The following RYR2 variants were observed in gnomAD, a reference collection of about 807,000 sequenced individuals.
The protein encoded by RYR2 is ryanodine receptor 2.
A neutral mutation model predicts 601.1 loss-of-function variants in RYR2; 227 were observed. The ratio of observed to expected loss-of-function variants is 0.38; its 90% confidence interval spans 0.34 to 0.42. The LOEUF (loss-of-function observed/expected upper bound fraction) is 0.42, where lower values mean the gene tolerates loss of function less well. Among genes scored for constraint, RYR2 ranks in the 10% least tolerant of loss-of-function variants. The pLI is 1.00. For missense variants in RYR2, 4,646 were observed against 6,156.5 expected, an observed-to-expected ratio of 0.75 and a Z score of 8.21; for synonymous variants, 2,223 against 2,175.1, an observed-to-expected ratio of 1.02 and a Z score of -0.61.
At chr1:237,226,971 G>A (rs546733018) in intron 1 of RYR2, among the ~76,000 whole-genome samples, 1 of 152,224 alleles carries the variant, frequency 6.6e-6, no homozygotes, top group African/African-American at 2.4e-5. Context: ...GTTTCACCAT[G>A]TTGGCCAGGC....
chr1:237,250,079 T>C (rs1217217010), intron 1 of RYR2, among the ~76,000 whole-genome samples: 1 of 152,194 alleles, frequency 6.6e-6, no homozygotes, highest in Admixed American at 6.5e-5. Context: ...CCTCAGGTAG[T>C]AATGGGATGG....
At chr1:237,752,407 C>T (rs1385528392) in intron 80 of RYR2, among the ~76,000 whole-genome samples, 1 of 151,780 alleles carries the variant, frequency 6.6e-6, no homozygotes, top group Non-Finnish European at 1.5e-5. Context: ...ACTTCAGCCT[C>T]CCAAAGTGCT....
chr1:237,747,640 G>A (rs1380633685), intron 80 of RYR2, among the ~76,000 whole-genome samples: 1 of 152,152 alleles, frequency 6.6e-6, no homozygotes, highest in African/African-American at 2.4e-5. Context: ...AAGAATGAAT[G>A]GGCTGTAAGA....
intron 10 of RYR2, among the ~76,000 whole-genome samples, chr1:237,398,957 G>T (rs1404879827): frequency 3.3e-5 from 5 of 152,162 alleles, no homozygotes; most frequent in African/African-American, 1.2e-4. Flanking sequence ...ATTTTGGGAG[G>T]CCAAAGTCGG....
intron 56 of RYR2, among the ~76,000 whole-genome samples, chr1:237,664,978 C>A (rs1684170490): frequency 6.6e-6 from 1 of 152,178 alleles, no homozygotes; most frequent in Non-Finnish European, 1.5e-5. Context: ...AGTATACTAA[C>A]AATGAGAATA....
chr1:237,617,503 A>C lies in RYR2; in HGVS notation c.5916+17A>C. On this transcript the variant is annotated intron_variant, in intron 38 of 104. Coordinates refer to ENST00000366574, the MANE Select transcript of RYR2 (RefSeq NM_001035.3). ...CAAGAACAGGTACAGAAATGAAATG[A>C]AAATTCTTCGTATTTATGTTGGCTT... The C allele has an allele frequency of 6.2e-7, 1 of 1,606,880 alleles. No homozygotes were observed. Among genetic ancestry groups the C allele is most frequent in the African/African-American group, 1.3e-5 (1 of 74,744 alleles).
chr1:237,559,574 G>T (rs1671251483), intron 27 of RYR2, among the ~76,000 whole-genome samples: 1 of 152,008 alleles, frequency 6.6e-6, no homozygotes, highest in African/African-American at 2.4e-5. Flanking sequence ...CATTACACAT[G>T]GTTTTATTTA....
chr1:237,306,386 G>A (rs868390110), intron 2 of RYR2, among the ~76,000 whole-genome samples: 56 of 151,976 alleles, frequency 3.7e-4, no homozygotes, highest in African/African-American at 1.3e-3. Flanking sequence ...ATAGTAATCT[G>A]GCACTATTTT....
At chr1:237,285,877 C>T (rs976265665) in intron 2 of RYR2, among the ~76,000 whole-genome samples, 3 of 152,028 alleles carry the variant, frequency 2.0e-5, no homozygotes, top group African/African-American at 4.8e-5. Flanking sequence ...TAATATTTCC[C>T]GTTTTGTTTC....
At chr1:237,051,223 C>T (rs189899132) in intron 1 of RYR2, among the ~76,000 whole-genome samples, 15 of 107,588 alleles carry the variant, frequency 1.4e-4, no homozygotes, top group Admixed American at 3.8e-4. Context: ...CTCTCCCCCC[C>T]CTTCCTCCCC....
intron 83 of RYR2, among the ~76,000 whole-genome samples, chr1:237,760,191 A>G (rs776230173): frequency 7.5e-6 from 1 of 133,308 alleles, no homozygotes; most frequent in Non-Finnish European, 1.6e-5. Flanking sequence ...CAAAAAGATT[A>G]AAAAAAAAAA....
intron 10 of RYR2, among the ~76,000 whole-genome samples, chr1:237,389,581 G>A (rs1308069854): frequency 3.9e-5 from 6 of 152,158 alleles, no homozygotes; most frequent in Non-Finnish European, 8.8e-5. Flanking sequence ...AGGTTTACTT[G>A]CATCATAGAC....
chr1:237,203,560 A>T (rs1034727714), intron 1 of RYR2, among the ~76,000 whole-genome samples: 2 of 152,206 alleles, frequency 1.3e-5, no homozygotes, highest in African/African-American at 2.4e-5. Context: ...TATTTGCCCC[A>T]ATGGATATTC....
intron 10 of RYR2, among the ~76,000 whole-genome samples, chr1:237,395,608 G>A (rs375495085): frequency 8.0e-5 from 11 of 138,246 alleles, no homozygotes; most frequent in African/African-American, 1.7e-4. Flanking sequence ...GTGCAGTGGC[G>A]CGATCTCTGC....
Position 237,369,580 on chromosome 1 carries a change from T to C in RYR2, c.356T>C (p.Ile119Thr), listed in dbSNP as rs1700481043. The change falls in exon 6 of 105, where the codon ATA becomes ACA. Residue 119 changes from isoleucine to threonine, a missense_variant. Ile to Thr is a moderately conservative substitution (Grantham distance 89). This residue lies in a region of RYR2 where 153 missense variants were observed against 203.6 expected (regional missense o/e 0.75). Transcript: ENST00000366574. ...CGAACACTCCTCTACGGACATGCCA[T>C]ATTGCTGCGCCATTCCTATAGTGGC... ...GHRTLLYGHA[I>T]LLRHSYSGMY... The C allele has an allele frequency of 6.4e-7, 1 of 1,564,426 alleles. No individual in the cohort carries two copies. The highest frequency in any genetic ancestry group is 8.7e-7 in the Non-Finnish European group (1 of 1,152,598).
intron 70 of RYR2, 33 bp downstream of exon 70, chr1:237,709,600 C>CAAACAGTAGGCG: frequency 1.4e-5 from 20 of 1,396,134 alleles, no homozygotes; most frequent in Non-Finnish European, 1.9e-5. Context: ...ATCACGCCTA[C>CAAACAGTAGGCG]TGTTTGTAGG....
rs573884918 is a variant in RYR2, at chr1:237,503,249, C to G, written c.2397-40C>G. The G allele has an allele frequency of 1.5e-4, 223 of 1,525,454 alleles. No individual in the cohort carries two copies. In the East Asian group the frequency reaches 4.2e-3, roughly 28 times the overall value. The allele number at this position is 1,525,454 out of a possible 1,614,324, so 94.5% of individuals were successfully genotyped here. A position where few individuals can be genotyped will look rare whatever the true frequency, so the allele number is the denominator to read the frequency against. ...TTGTGAATTAGAAAACTTTAATGTA[C>G]ACCAGAGATAAAATTGACTCTAACG... On this transcript the variant is annotated intron_variant, in intron 21 of 104. Coordinates refer to ENST00000366574, the MANE Select transcript of RYR2 (RefSeq NM_001035.3).
At chr1:237,397,440 G>A (rs1702954611) in intron 10 of RYR2, among the ~76,000 whole-genome samples, 1 of 152,134 alleles carries the variant, frequency 6.6e-6, no homozygotes, top group South Asian at 2.1e-4. Context: ...GGAAGTAGAA[G>A]TTACAGGCCA....
intron 1 of RYR2, among the ~76,000 whole-genome samples, chr1:237,066,666 G>A (rs1479378241): frequency 2.1e-5 from 3 of 146,100 alleles, no homozygotes; most frequent in East Asian, 2.0e-4. Context: ...CTTCGAGACG[G>A]AGTCTCGCTC....
Sources: allele counts gnomAD v4.1 joint callset (sites outside exome capture counted in the v4.1 genomes callset), GRCh38; gene constraint gnomAD v4.1.1; regional missense constraint gnomAD v4.1.1; transcripts MANE v1.5; gene names NCBI Gene and HGNC (gene_info 2026-07-23, HGNC 2026-07-21).